GMDS: variants seen among roughly 807,000 people sequenced by gnomAD.
The protein encoded by GMDS is GDP-mannose 4,6 dehydratase.
A neutral mutation model predicts 49.9 loss-of-function variants in GMDS; 20 were observed. The ratio of observed to expected loss-of-function variants is 0.40; its 90% CI spans 0.28 to 0.58. The LOEUF is 0.58. Among genes scored for constraint, GMDS ranks in the 20% least tolerant of loss-of-function variants. The pLI is 0.42. For synonymous variants in GMDS, 177 were observed against 178.6 expected (o/e 0.99, Z 0.07); for missense variants, 362 against 481.4 (o/e 0.75, Z 2.32).
chr6:1,678,941 A>G (rs1416796356), intron 9 of GMDS, among the ~76,000 whole-genome samples: 1 of 152,214 alleles, frequency 6.6e-6, no homozygotes. Context: ...GCCATAGCAC[A>G]TTCTGATATC....
intron 7 of GMDS, among the ~76,000 whole-genome samples, chr6:1,894,115 T>C (rs1486868144): frequency 1.3e-5 from 2 of 152,236 alleles, no homozygotes; most frequent in African/African-American, 4.8e-5. Flanking sequence ...ACATGTCTTT[T>C]CATCTTAGCT....
chr6:2,139,721 C>T (rs938856425), intron 1 of GMDS, among the ~76,000 whole-genome samples: 1 of 152,178 alleles, frequency 6.6e-6, no homozygotes. Context: ...AGTCTGACTC[C>T]AGAGACTCTT....
At chr6:2,065,673 A>G (rs1771529494) in intron 4 of GMDS, among the ~76,000 whole-genome samples, 1 of 152,124 alleles carries the variant, frequency 6.6e-6, no homozygotes, top group Non-Finnish European at 1.5e-5. Flanking sequence ...GGGTATCAGC[A>G]ATGGAAGATG....
chr6:2,110,390 T>C (rs1774479995), intron 4 of GMDS, among the ~76,000 whole-genome samples: 1 of 152,172 alleles, frequency 6.6e-6, no homozygotes, highest in African/African-American at 2.4e-5. Context: ...ATTCAGTTTC[T>C]TGGGCCCTTT....
intron 4 of GMDS, among the ~76,000 whole-genome samples, chr6:1,972,047 T>C (rs1219429709): frequency 6.6e-6 from 1 of 152,162 alleles, no homozygotes; most frequent in Non-Finnish European, 1.5e-5. Flanking sequence ...ATTTCTAAAA[T>C]GTTGAGTTCT....
At chr6:1,637,039 G>A (rs564026608) in intron 9 of GMDS, among the ~76,000 whole-genome samples, 19 of 152,338 alleles carry the variant, frequency 1.2e-4, no homozygotes, top group African/African-American at 3.8e-4. Context: ...TGGGGACCCC[G>A]CACTGTGCCT....
intron 7 of GMDS, among the ~76,000 whole-genome samples, chr6:1,748,428 T>A (rs1426477197): frequency 1.3e-5 from 2 of 152,236 alleles, no homozygotes; most frequent in African/African-American, 2.4e-5. Flanking sequence ...TTAATTTATA[T>A]GATTTCCTCC....
intron 4 of GMDS, among the ~76,000 whole-genome samples, chr6:2,104,911 G>A (rs544374460): frequency 5.3e-5 from 8 of 152,050 alleles, no homozygotes; most frequent in South Asian, 4.2e-4. Flanking sequence ...AACCGGGTGC[G>A]GTGGCTCACG....
intron 7 of GMDS, among the ~76,000 whole-genome samples, chr6:1,748,418 T>C: frequency 6.6e-6 from 1 of 152,250 alleles, no homozygotes; most frequent in Non-Finnish European, 1.5e-5. Flanking sequence ...TTGTTTCATA[T>C]TAATTTATAT....
At chr6:1,987,936 T>C (rs1765662243) in intron 4 of GMDS, among the ~76,000 whole-genome samples, 1 of 152,090 alleles carries the variant, frequency 6.6e-6, no homozygotes, top group Admixed American at 6.5e-5. Context: ...TCAGAGCAAT[T>C]AAGGAGCTTG....
intron 9 of GMDS, among the ~76,000 whole-genome samples, chr6:1,716,753 C>T (rs1766190076): frequency 6.6e-6 from 1 of 152,198 alleles, no homozygotes. Context: ...ACCTCCTGCC[C>T]CAATTGTGAA....
At chr6:1,971,051 G>C (rs1388913474) in intron 4 of GMDS, among the ~76,000 whole-genome samples, 4 of 152,092 alleles carry the variant, frequency 2.6e-5, no homozygotes, top group Non-Finnish European at 5.9e-5. Flanking sequence ...CATTCTAAAG[G>C]GGGCAGTGAT....
At chr6:1,847,564 T>A (rs1581251688) in intron 7 of GMDS, among the ~76,000 whole-genome samples, 1 of 152,206 alleles carries the variant, frequency 6.6e-6, no homozygotes, top group South Asian at 2.1e-4. Context: ...CTTACTAATC[T>A]CTCCACACCA....
chr6:1,737,821 C>G (rs1019953799), intron 8 of GMDS, among the ~76,000 whole-genome samples: 3 of 82,716 alleles, frequency 3.6e-5, no homozygotes, highest in African/African-American at 5.5e-5. Flanking sequence ...ACACACACCA[C>G]AAAGACACAC....
At chr6:1,679,511 C>G (rs181728177) in intron 9 of GMDS, 3 of 152,376 alleles carry the variant, frequency 2.0e-5, no homozygotes, top group Admixed American at 6.5e-5. Flanking sequence ...CCGTGCTGAT[C>G]TGCTCTCTGC....
At chr6:2,194,424 T>C (rs1779192715) in intron 1 of GMDS, among the ~76,000 whole-genome samples, 1 of 152,246 alleles carries the variant, frequency 6.6e-6, no homozygotes, top group Admixed American at 6.5e-5. Flanking sequence ...GAATATATTT[T>C]AAACATACAC....
intron 1 of GMDS, among the ~76,000 whole-genome samples, chr6:2,218,274 C>A (rs73716974): frequency 2.0e-5 from 3 of 152,042 alleles, no homozygotes; most frequent in Non-Finnish European, 2.9e-5. Context: ...AAGACAACAC[C>A]CAGACTCACC....
intron 7 of GMDS, among the ~76,000 whole-genome samples, chr6:1,880,284 CAAAAAAAAA>C (rs34490393): frequency 3.4e-5 from 2 of 59,124 alleles, no homozygotes; most frequent in Admixed American, 2.3e-4. Context: ...CTCATTTCCA[CAAAAAAAAA>C]AAAAAAAAAA....
intron 3 of GMDS, among the ~76,000 whole-genome samples, chr6:2,116,180 G>T (rs911776017): frequency 1.3e-5 from 2 of 152,100 alleles, no homozygotes; most frequent in Non-Finnish European, 2.9e-5. Context: ...CCAGGTGGTT[G>T]TAAGATGTGT....
Sources: allele counts gnomAD v4.1 joint callset (sites outside exome capture counted in the v4.1 genomes callset), GRCh38; gene constraint gnomAD v4.1.1; transcripts MANE v1.5; gene names NCBI Gene and HGNC (gene_info 2026-07-23, HGNC 2026-07-21).